Variants in IL1RAPL2 observed in about 807,000 individuals in gnomAD.
The protein encoded by IL1RAPL2 is X-linked interleukin-1 receptor accessory protein-like 2.
A neutral mutation model predicts 44.1 loss-of-function variants in IL1RAPL2; 3 were observed. The ratio of observed to expected loss-of-function variants is 0.07; its 90% CI spans 0.03 to 0.18. The LOEUF is 0.18. Among genes scored for constraint, IL1RAPL2 ranks in the 10% least tolerant of loss-of-function variants. The pLI, the probability that IL1RAPL2 is intolerant of heterozygous loss-of-function variation, is 1.00. For synonymous variants in IL1RAPL2, 181 were observed against 178.8 expected (o/e 1.01, Z -0.10); for missense variants, 391 against 496.4 (o/e 0.79, Z 2.02).
intron 2 of IL1RAPL2, among the ~76,000 whole-genome samples, chrX:104,946,115 T>A (rs1370417979): frequency 9.2e-6 from 1 of 108,378 alleles, no homozygotes; most frequent in Non-Finnish European, 1.9e-5. Flanking sequence ...TGTAAAAACT[T>A]TTTTCCCAGC....
chrX:105,693,415 T>A (rs1047618409), intron 6 of IL1RAPL2, among the ~76,000 whole-genome samples: 47 of 111,022 alleles, frequency 4.2e-4, no homozygotes, highest in African/African-American at 1.4e-3. Flanking sequence ...TGCTGGTTGT[T>A]TAAAAGAGCT....
At chrX:105,180,953 A>G (rs782812030) in intron 2 of IL1RAPL2, among the ~76,000 whole-genome samples, 1 of 110,796 alleles carries the variant, frequency 9.0e-6, no homozygotes, top group Admixed American at 9.6e-5. Context: ...CTGCAAATCT[A>G]TCTGTTCCTG....
chrX:105,628,401 G>A (rs997460788), intron 6 of IL1RAPL2, among the ~76,000 whole-genome samples: 30 of 110,645 alleles, frequency 2.7e-4, no homozygotes, highest in Non-Finnish European at 5.1e-4. Flanking sequence ...AGGGGCCTTT[G>A]TATCCTTGGC....
At chrX:105,130,707 A>G (rs1263425733) in intron 2 of IL1RAPL2, among the ~76,000 whole-genome samples, 1 of 111,332 alleles carries the variant, frequency 9.0e-6, no homozygotes, top group East Asian at 2.8e-4. Context: ...CTGTCACTTG[A>G]ATTCCATTTT....
intron 2 of IL1RAPL2, among the ~76,000 whole-genome samples, chrX:104,867,189 A>T (rs1374611233): frequency 9.9e-6 from 1 of 101,264 alleles, no homozygotes; most frequent in African/African-American, 3.6e-5. Flanking sequence ...GTGAGCCGAG[A>T]TAGCACCACT....
At position 105,496,932 on chromosome X, in the gene IL1RAPL2, A is replaced by G. The variant is rs533167872; in HGVS notation, c.772+12545A>G. On this transcript the variant is annotated intron_variant, in intron 6 of 10. Coordinates refer to ENST00000372582, the MANE Select transcript of IL1RAPL2 (RefSeq NM_017416.2). ...ATTCTCATGAGTGACCACTTTGTAT[A>G]TAAAGTAGCTCTTAAACTTTACAGA... Among the ~76,000 whole-genome samples, 17 of 112,042 alleles carry G rather than the reference A, an allele frequency of 1.5e-4. 1 individual carries two copies. In the South Asian group the frequency reaches 5.5e-3, roughly 36 times the overall value.
At chrX:105,478,596 A>C (rs2036213040) in intron 5 of IL1RAPL2, among the ~76,000 whole-genome samples, 1 of 111,531 alleles carries the variant, frequency 9.0e-6, no homozygotes, top group Admixed American at 9.6e-5. Context: ...TGAGGGGGTC[A>C]AGATGAAATT....
At position 105,010,368 on chromosome X, in the gene IL1RAPL2, C is replaced by T. The variant is rs944694676; in HGVS notation, c.83-185107C>T. On this transcript the variant is annotated intron_variant, in intron 2 of 10. Transcript: ENST00000372582. Reference sequence around the variant, plus strand: ...GCATGCCTTTTATGGTGGTAACAGACGATAATTTTTTTACAGATACAGTTT... The same window carrying T: ...GCATGCCTTTTATGGTGGTAACAGATGATAATTTTTTTACAGATACAGTTT... Among the ~76,000 whole-genome samples, 21 of 111,197 alleles carry T rather than the reference C, an allele frequency of 1.9e-4. 1 individual carries two copies. Among genetic ancestry groups the T allele is most frequent in the Middle Eastern group, 4.6e-3 (1 of 217 alleles).
chrX:104,886,265 C>T (rs1388585649), intron 2 of IL1RAPL2, among the ~76,000 whole-genome samples: 8 of 111,928 alleles, frequency 7.1e-5, no homozygotes, highest in Non-Finnish European at 1.3e-4. Flanking sequence ...CTATTATCTA[C>T]GTGAATATGG....
intron 5 of IL1RAPL2, among the ~76,000 whole-genome samples, chrX:105,355,565 A>C (rs1030647075): frequency 8.9e-5 from 10 of 111,771 alleles, no homozygotes; most frequent in Non-Finnish European, 1.9e-4. Context: ...TAACTAGACT[A>C]TATGAACCAT....
chrX:105,170,697 C>T (rs1223978224), intron 2 of IL1RAPL2, among the ~76,000 whole-genome samples: 1 of 112,058 alleles, frequency 8.9e-6, no homozygotes, highest in Admixed American at 9.5e-5. Context: ...TAACCCCATG[C>T]TATACTGCCA....
At chrX:105,055,330 A>C (rs930523152) in intron 2 of IL1RAPL2, among the ~76,000 whole-genome samples, 1 of 111,411 alleles carries the variant, frequency 9.0e-6, no homozygotes, top group Non-Finnish European at 1.9e-5. Flanking sequence ...CAAAAGCCCC[A>C]CCTCCTAATA....
chrX:105,235,574 A>G (rs1266484822), intron 4 of IL1RAPL2, among the ~76,000 whole-genome samples: 1 of 111,811 alleles, frequency 8.9e-6, no homozygotes, highest in African/African-American at 3.2e-5. Context: ...AATAGACACC[A>G]AGAACATACT....
chrX:104,608,807 T>G (rs1024148137), intron 1 of IL1RAPL2, among the ~76,000 whole-genome samples: 6 of 110,580 alleles, frequency 5.4e-5, no homozygotes, highest in Admixed American at 3.9e-4. Flanking sequence ...TTATCCAATT[T>G]GCCAGTCTGT....
At chrX:105,013,530 G>A (rs1223216346) in intron 2 of IL1RAPL2, among the ~76,000 whole-genome samples, 1 of 110,315 alleles carries the variant, frequency 9.1e-6, no homozygotes, top group Non-Finnish European at 1.9e-5. Flanking sequence ...GGATCCTAGA[G>A]TAGAAACATC....
At chrX:104,574,154 C>T (rs898287341) in intron 1 of IL1RAPL2, among the ~76,000 whole-genome samples, 2 of 110,712 alleles carry the variant, frequency 1.8e-5, no homozygotes. Context: ...TACATTTAAC[C>T]TTCAAAAAAG....
chrX:104,738,205 A>G (rs1310575572), intron 2 of IL1RAPL2, among the ~76,000 whole-genome samples: 1 of 112,146 alleles, frequency 8.9e-6, no homozygotes, highest in Non-Finnish European at 1.9e-5. Context: ...TATTGTCCAA[A>G]CCAGGATACT....
intron 2 of IL1RAPL2, among the ~76,000 whole-genome samples, chrX:105,163,459 A>G (rs2033344522): frequency 1.8e-5 from 2 of 112,086 alleles, no homozygotes; most frequent in Admixed American, 1.9e-4. Context: ...CCCATAATCA[A>G]TAAGAATAGT....
At position 104,962,568 on chromosome X, in the gene IL1RAPL2, C is replaced by T. The variant is rs374925514; in HGVS notation, c.83-232907C>T. ...AATGTGCGTAGCTAAAGGTGCAATG[C>T]ACTAAAGGTGCAATGCTAAATATAC... On this transcript the variant is annotated intron_variant, in intron 2 of 10. Transcript: ENST00000372582. Among the ~76,000 whole-genome samples, 21 of 112,057 alleles carry T rather than the reference C, an allele frequency of 1.9e-4. 1 individual carries two copies. The East Asian group carries it at 5.7e-3, about 30-fold the overall frequency.
Sources: gnomAD v4.1 joint callset for allele counts (sites outside exome capture counted in the v4.1 genomes callset) on GRCh38, gnomAD v4.1.1 for gene constraint, MANE v1.5 for transcripts, NCBI Gene and HGNC (gene_info 2026-07-23, HGNC 2026-07-21) for gene names.